Variants in FRMD5 observed in about 807,000 individuals in gnomAD.
FRMD5 encodes the protein FERM domain containing 5.
A neutral mutation model predicts 69.0 loss-of-function variants in FRMD5; 20 were observed. The ratio of observed to expected loss-of-function variants is 0.29; its 90% CI spans 0.20 to 0.42. The LOEUF is 0.42. FRMD5 is among the 10% of genes least tolerant of loss of function. The probability of loss-of-function intolerance (pLI) is 1.00; values close to 1 mark genes in which losing one functional copy is unlikely to be tolerated. For synonymous variants in FRMD5, 271 were observed against 260.1 expected, an observed-to-expected ratio of 1.04 and a Z score of -0.40; for missense variants, 595 against 708.6, an observed-to-expected ratio of 0.84 and a Z score of 1.82.
chr15:43,989,652 C>A, intron 1 of FRMD5: 1 of 900,806 alleles, frequency 1.1e-6, no homozygotes. Flanking sequence ...GCCAGGCACA[C>A]ACGCAGGATG....
At chr15:44,051,673 T>G (rs1469215448) in intron 1 of FRMD5, among the ~76,000 whole-genome samples, 1 of 152,136 alleles carries the variant, frequency 6.6e-6, no homozygotes, top group Non-Finnish European at 1.5e-5. Context: ...AGGCTCCTCT[T>G]GGCCGTTACT....
intron 1 of FRMD5, among the ~76,000 whole-genome samples, chr15:44,160,482 G>C (rs947234513): frequency 6.6e-6 from 1 of 152,200 alleles, no homozygotes; most frequent in African/African-American, 2.4e-5. Flanking sequence ...TATGATTCCA[G>C]ATTACTAAAG....
chr15:44,066,925 C>G (rs945418085), intron 1 of FRMD5, among the ~76,000 whole-genome samples: 1 of 151,882 alleles, frequency 6.6e-6, no homozygotes, highest in Non-Finnish European at 1.5e-5. Flanking sequence ...AAAGGGGCAA[C>G]AAAGACCTGA....
intron 1 of FRMD5, among the ~76,000 whole-genome samples, chr15:43,927,930 C>A (rs1383021665): frequency 6.6e-6 from 1 of 152,110 alleles, no homozygotes; most frequent in African/African-American, 2.4e-5. Flanking sequence ...TAAAACAACT[C>A]ATTCTCATGG....
upstream of FRMD5, among the ~76,000 whole-genome samples, chr15:44,198,787 G>A (rs1567000244): frequency 6.6e-6 from 1 of 152,184 alleles, no homozygotes; most frequent in Non-Finnish European, 1.5e-5. Context: ...AGAATGGAAA[G>A]GGCTTATTTA....
intron 1 of FRMD5, among the ~76,000 whole-genome samples, chr15:44,060,464 T>A (rs1452743234): frequency 6.6e-6 from 1 of 152,146 alleles, no homozygotes; most frequent in East Asian, 1.9e-4. Context: ...ACACTGACAT[T>A]CCTAAACATG....
At chr15:44,148,422 C>A (rs2077390329) in intron 1 of FRMD5, among the ~76,000 whole-genome samples, 1 of 152,142 alleles carries the variant, frequency 6.6e-6, no homozygotes. Flanking sequence ...CAGGCGCCCG[C>A]CACAACGCCC....
At chr15:44,074,693 C>T (rs565969242) in intron 1 of FRMD5, among the ~76,000 whole-genome samples, 1 of 152,050 alleles carries the variant, frequency 6.6e-6, no homozygotes, top group Non-Finnish European at 1.5e-5. Context: ...CTTAGGGTTA[C>T]AGGGATATCA....
intron 1 of FRMD5, among the ~76,000 whole-genome samples, chr15:43,929,975 A>G (rs765597587): frequency 5.9e-5 from 9 of 152,300 alleles, no homozygotes; most frequent in Admixed American, 1.3e-4. Context: ...GGGCCATGGC[A>G]TTAGTGAGCT....
intron 1 of FRMD5, among the ~76,000 whole-genome samples, chr15:44,124,822 A>G (rs550644703): frequency 1.2e-4 from 18 of 152,194 alleles, no homozygotes; most frequent in Non-Finnish European, 2.5e-4. Flanking sequence ...GGATATATGA[A>G]TAAGACAGAC....
chr15:44,111,396 G>A lies in FRMD5; in HGVS notation c.102+83557C>T, dbSNP rs190819423. Reference sequence around the variant, plus strand: ...CACGCATTTTCAGCAATTGTCAAAAGTATTCCAGGGTGATAAACTGCTCCT... The same window carrying A: ...CACGCATTTTCAGCAATTGTCAAAAATATTCCAGGGTGATAAACTGCTCCT... On this transcript the variant is annotated intron_variant, in intron 1 of 13. Transcript: ENST00000417257. Among the ~76,000 whole-genome samples, 12 of 152,302 alleles carry A rather than the reference G, an allele frequency of 7.9e-5. No individual in the cohort carries two copies. The East Asian group carries it at 1.9e-3, about 24-fold the overall frequency.
chr15:44,116,491 G>T (rs1203801455), intron 1 of FRMD5, among the ~76,000 whole-genome samples: 1 of 152,176 alleles, frequency 6.6e-6, no homozygotes, highest in Non-Finnish European at 1.5e-5. Flanking sequence ...AACAGCCAGA[G>T]AAAGGGTACA....
intron 1 of FRMD5, among the ~76,000 whole-genome samples, chr15:44,015,055 T>C (rs2140231557): frequency 6.6e-6 from 1 of 152,272 alleles, no homozygotes; most frequent in South Asian, 2.1e-4. Context: ...AGAAAAAAAC[T>C]ATGCCTAACC....
At chr15:44,063,540 A>T (rs1422559448) in intron 1 of FRMD5, 1 of 491,326 alleles carries the variant, frequency 2.0e-6, no homozygotes, top group Non-Finnish European at 4.0e-6. Flanking sequence ...GGGTAAATGA[A>T]TTTAGTTGTA....
chr15:44,133,854 G>GT (rs1470969873), intron 1 of FRMD5, among the ~76,000 whole-genome samples: 1 of 151,914 alleles, frequency 6.6e-6, no homozygotes, highest in Non-Finnish European at 1.5e-5. Flanking sequence ...GAGTTTTAAA[G>GT]TTTTTAATAA....
At chr15:43,960,163 A>G (rs1486766147) in intron 1 of FRMD5, among the ~76,000 whole-genome samples, 1 of 152,168 alleles carries the variant, frequency 6.6e-6, no homozygotes, top group African/African-American at 2.4e-5. Flanking sequence ...ATCTCGGCTC[A>G]CTGCAAACTC....
chr15:44,178,307 A>G (rs533106331), intron 1 of FRMD5, among the ~76,000 whole-genome samples: 3 of 152,162 alleles, frequency 2.0e-5, no homozygotes, highest in African/African-American at 7.2e-5. Context: ...CCTGGGTTAC[A>G]GGGTGATACT....
chr15:44,099,724 G>A (rs2076608975), intron 1 of FRMD5, among the ~76,000 whole-genome samples: 1 of 152,086 alleles, frequency 6.6e-6, no homozygotes, highest in Non-Finnish European at 1.5e-5. Context: ...TCCTCTACTT[G>A]CAAGTACCAT....
intron 1 of FRMD5, among the ~76,000 whole-genome samples, chr15:44,086,645 C>T (rs1365456): frequency 0.9 from 137,124 of 152,150 alleles, 62,354 homozygotes; most frequent in East Asian, 1. Flanking sequence ...TTACATAACA[C>T]TGTAAATGTA....
Sources: allele counts gnomAD v4.1 joint callset (sites outside exome capture counted in the v4.1 genomes callset), GRCh38; gene constraint gnomAD v4.1.1; transcripts MANE v1.5; gene names NCBI Gene and HGNC (gene_info 2026-07-23, HGNC 2026-07-21).